Variants in RAB2A observed in about 807,000 individuals in gnomAD.
RAB2A encodes the protein ras-related protein Rab-2A.
Under a neutral mutation model 32.5 loss-of-function variants are expected in RAB2A, and 7 were observed. That is an observed-to-expected ratio of 0.22 (90% CI 0.12 to 0.40). The LOEUF (loss-of-function observed/expected upper bound fraction) is 0.40. Ranked by LOEUF, RAB2A falls within the 10% of genes least tolerant of loss-of-function variation. The pLI, the probability that RAB2A is intolerant of heterozygous loss-of-function variation, is 1.00. For missense variants in RAB2A, 108 were observed against 260.7 expected (o/e 0.41, Z 4.03); for synonymous variants, 79 against 85.2 (o/e 0.93, Z 0.40).
At chr8:60,580,765 T>G (rs1022472849) in intron 3 of RAB2A, among the ~76,000 whole-genome samples, 5 of 152,362 alleles carry the variant, frequency 3.3e-5, no homozygotes, top group Admixed American at 3.3e-4. Context: ...TATAAAAGTT[T>G]GCTTTTCTCC....
chr8:60,522,556 TTGG>T (rs1807317587), intron 1 of RAB2A, among the ~76,000 whole-genome samples: 1 of 152,180 alleles, frequency 6.6e-6, no homozygotes, highest in Non-Finnish European at 1.5e-5. Context: ...ACACATAGTA[TTGG>T]TGGTTTTACA....
intron 5 of RAB2A, among the ~76,000 whole-genome samples, chr8:60,590,586 TTA>T (rs58871213): frequency 0.086 from 9,400 of 109,612 alleles, 786 homozygotes; most frequent in African/African-American, 0.24. Flanking sequence ...TATATGTATT[TTA>T]TATATATATA....
chr8:60,585,908 A>T (rs73261229), intron 5 of RAB2A, among the ~76,000 whole-genome samples: 7,292 of 152,294 alleles, frequency 0.048, 426 homozygotes, highest in African/African-American at 0.14. Flanking sequence ...CATGGACAGG[A>T]ATTATTTGCG....
intron 1 of RAB2A, among the ~76,000 whole-genome samples, chr8:60,526,449 A>G (rs1301758548): frequency 3.9e-5 from 6 of 152,164 alleles, no homozygotes; most frequent in Admixed American, 3.9e-4. Flanking sequence ...GTTTTAGGAA[A>G]GGTTTTCCAC....
intron 3 of RAB2A, among the ~76,000 whole-genome samples, chr8:60,575,653 CTTTTTT>C (rs35451518): frequency 8.8e-6 from 1 of 113,224 alleles, no homozygotes; most frequent in African/African-American, 3.7e-5. Context: ...GGATATTTGT[CTTTTTT>C]TTTTTTTTTT....
rs1032605787 is a variant in RAB2A, at chr8:60,621,029, G to A, written c.*260G>A. 2.6e-6 allele frequency: 1 copy of A among 384,310 alleles called. No homozygotes were observed. The highest frequency in any genetic ancestry group is 2.1e-5 in the African/African-American group (1 of 47,304). 23.8% of individuals were successfully genotyped at this position (384,310 alleles called of 1,614,324 possible). A position where few individuals can be genotyped will look rare whatever the true frequency, so the allele number is the denominator to read the frequency against. The stretch of plus-strand genomic sequence containing the variant: ...TTATTTTTGTTAAATGTTGTCTTGT[G>A]CCCTTAACTACGAACTGAATTGTAT... On this transcript the variant is annotated 3_prime_UTR_variant, in exon 8 of 8. Coordinates refer to ENST00000262646, the MANE Select transcript of RAB2A (RefSeq NM_002865.3).
At chr8:60,618,308 T>G (rs1804480941) in intron 6 of RAB2A, among the ~76,000 whole-genome samples, 1 of 152,236 alleles carries the variant, frequency 6.6e-6, no homozygotes, top group South Asian at 2.1e-4. Context: ...AGTTCCCTTC[T>G]ATTTCGACTT....
intron 1 of RAB2A, among the ~76,000 whole-genome samples, chr8:60,524,507 T>G (rs572286060): frequency 5.2e-4 from 79 of 152,378 alleles, no homozygotes; most frequent in African/African-American, 1.7e-3. Context: ...CCATTTGATT[T>G]CATTAGCCTT....
At chr8:60,531,007 G>T (rs1807469183) in intron 1 of RAB2A, among the ~76,000 whole-genome samples, 1 of 152,214 alleles carries the variant, frequency 6.6e-6, no homozygotes, top group Non-Finnish European at 1.5e-5. Flanking sequence ...AACAGGTATA[G>T]TACCTGCCTA....
chr8:60,616,782 G>A (rs952464007), intron 6 of RAB2A, among the ~76,000 whole-genome samples: 59 of 152,180 alleles, frequency 3.9e-4, no homozygotes, highest in African/African-American at 1.1e-3. Context: ...TGCCGCAGAC[G>A]TTCAGATCTC....
At chr8:60,611,895 A>G (rs1804354786) in intron 6 of RAB2A, among the ~76,000 whole-genome samples, 1 of 152,250 alleles carries the variant, frequency 6.6e-6, no homozygotes, top group African/African-American at 2.4e-5. Context: ...TTAAGTTTAC[A>G]TAGAAAACCA....
chr8:60,598,302 T>C (rs150075540), intron 6 of RAB2A, among the ~76,000 whole-genome samples: 6 of 152,362 alleles, frequency 3.9e-5, no homozygotes, highest in Non-Finnish European at 8.8e-5. Context: ...ATGGTTTCAC[T>C]GCGGAATTCT....
At chr8:60,559,766 C>T (rs770881928) in intron 2 of RAB2A, among the ~76,000 whole-genome samples, 21 of 152,144 alleles carry the variant, frequency 1.4e-4, no homozygotes, top group Non-Finnish European at 2.1e-4. Flanking sequence ...TTCTTTACAA[C>T]GAATTGCTTA....
At chr8:60,596,229 T>C (rs910145669) in intron 6 of RAB2A, among the ~76,000 whole-genome samples, 2 of 152,210 alleles carry the variant, frequency 1.3e-5, no homozygotes, top group African/African-American at 4.8e-5. Context: ...ATTCAGGACA[T>C]AGGCATGGGC....
chr8:60,547,480 G>A (rs1807752371), intron 1 of RAB2A, among the ~76,000 whole-genome samples: 1 of 151,916 alleles, frequency 6.6e-6, no homozygotes, highest in South Asian at 2.1e-4. Context: ...CGGCCGGGCA[G>A]AGGCGCCCCT....
At chr8:60,584,183 T>C (rs772120453) in intron 3 of RAB2A, 25 bp from the exon 4 acceptor site, 6 of 1,541,036 alleles carry the variant, frequency 3.9e-6, no homozygotes, top group East Asian at 2.2e-5. Context: ...TAAAGGAAAC[T>C]CTCCAACCTT....
intron 2 of RAB2A, among the ~76,000 whole-genome samples, chr8:60,570,539 A>G (rs898272907): frequency 1.3e-5 from 2 of 152,148 alleles, no homozygotes; most frequent in South Asian, 2.1e-4. Flanking sequence ...AGATATGAAT[A>G]TATATATTCA....
intron 7 of RAB2A, 66 bp from the exon 8 acceptor site, chr8:60,620,607 GT>G (rs1172318213): frequency 6.8e-6 from 8 of 1,181,566 alleles, no homozygotes; most frequent in African/African-American, 1.5e-5. Context: ...AATTAAATGA[GT>G]TTTTTAAGAA....
intron 6 of RAB2A, among the ~76,000 whole-genome samples, chr8:60,592,568 TTAAAG>T (rs1291642145): frequency 4.6e-5 from 7 of 152,324 alleles, no homozygotes; most frequent in South Asian, 2.1e-4. Context: ...CCACTTCTGC[TTAAAG>T]TATTCTATTA....
Sources: gnomAD v4.1 joint callset for allele counts (sites outside exome capture counted in the v4.1 genomes callset) on GRCh38, gnomAD v4.1.1 for gene constraint, MANE v1.5 for transcripts, NCBI Gene and HGNC (gene_info 2026-07-23, HGNC 2026-07-21) for gene names.